The following AKR1C3 variants were observed in gnomAD, a reference collection of about 807,000 sequenced individuals.
AKR1C3 encodes 3-alpha hydroxysteroid dehydrogenase, type II.
In AKR1C3, 48 loss-of-function variants were observed where a neutral mutation model predicts 43.6. That is an observed-to-expected ratio of 1.10 (90% CI 0.87 to 1.40). The LOEUF is 1.40. AKR1C3 is among the 40% of genes most tolerant of loss of function. AKR1C3 has a pLI of 0.00. For synonymous variants in AKR1C3, 162 were observed against 139.6 expected, an observed-to-expected ratio of 1.16 and a Z score of -1.13; for missense variants, 482 against 391.2, an observed-to-expected ratio of 1.23 and a Z score of -1.96.
chr10:5,052,492 G>T (rs925140365), intron 1 of AKR1C3, among the ~76,000 whole-genome samples: 1 of 150,624 alleles, frequency 6.6e-6, no homozygotes, highest in Non-Finnish European at 1.5e-5. Flanking sequence ...TTTACAGAGA[G>T]CTGATTGGTC....
chr10:5,071,674 A>C (rs1838614494), intron 1 of AKR1C3, among the ~76,000 whole-genome samples: 1 of 152,154 alleles, frequency 6.6e-6, no homozygotes, highest in African/African-American at 2.4e-5. Flanking sequence ...GCCTGAGAAA[A>C]CTCACGGCTT....
chr10:5,100,838 C>T (rs533659106), intron 5 of AKR1C3, among the ~76,000 whole-genome samples: 1 of 152,070 alleles, frequency 6.6e-6, no homozygotes, highest in African/African-American at 2.4e-5. Flanking sequence ...TCAACATAAC[C>T]ATTTATATTC....
At chr10:5,074,971 C>T (rs1296284530) in intron 1 of AKR1C3, among the ~76,000 whole-genome samples, 1 of 152,182 alleles carries the variant, frequency 6.6e-6, no homozygotes, top group African/African-American at 2.4e-5. Flanking sequence ...CAATATCCCG[C>T]CCTTTCCCCT....
chr10:5,057,951 G>T (rs1403013306), intron 1 of AKR1C3, among the ~76,000 whole-genome samples: 1 of 152,142 alleles, frequency 6.6e-6, no homozygotes, highest in Admixed American at 6.5e-5. Context: ...TACCTATCAG[G>T]ATCATCTGAA....
intron 1 of AKR1C3, among the ~76,000 whole-genome samples, chr10:5,079,640 G>A (rs1564361867): frequency 6.6e-6 from 1 of 152,062 alleles, no homozygotes; most frequent in Non-Finnish European, 1.5e-5. Flanking sequence ...GGGAGCCCCT[G>A]AGAGACTCAC....
chr10:5,091,573 G>T (rs1554784178), upstream of AKR1C3, among the ~76,000 whole-genome samples: 1 of 151,586 alleles, frequency 6.6e-6, no homozygotes, highest in Non-Finnish European at 1.5e-5. Context: ...TTTCTCAATT[G>T]CTCTTTTATT....
chr10:5,084,046 G>A (rs1362984598), intron 1 of AKR1C3, among the ~76,000 whole-genome samples: 1 of 152,116 alleles, frequency 6.6e-6, no homozygotes, highest in Non-Finnish European at 1.5e-5. Context: ...CACTCTGATG[G>A]TAATTTCTTT....
At chr10:5,058,105 T>C (rs1554779823) in intron 1 of AKR1C3, among the ~76,000 whole-genome samples, 2 of 152,136 alleles carry the variant, frequency 1.3e-5, no homozygotes, top group African/African-American at 4.8e-5. Context: ...TTTGGAGATT[T>C]CTTTGCTTAT....
At chr10:5,091,220 T>C (rs1839081631), upstream of AKR1C3, among the ~76,000 whole-genome samples, 1 of 151,926 alleles carries the variant, frequency 6.6e-6, no homozygotes. Context: ...AAAAAACTGA[T>C]GATGCAGGAA....
intron 1 of AKR1C3, among the ~76,000 whole-genome samples, chr10:5,068,255 A>G (rs563598706): frequency 2.6e-5 from 4 of 152,306 alleles, no homozygotes; most frequent in African/African-American, 7.2e-5. Context: ...CATTAGCATT[A>G]TTCACAAAAT....
intron 8 of AKR1C3, among the ~76,000 whole-genome samples, chr10:5,106,698 G>T (rs1839508028): frequency 6.6e-6 from 1 of 150,590 alleles, no homozygotes; most frequent in South Asian, 2.1e-4. Flanking sequence ...ATGCAGCAGT[G>T]AGCTGAGATC....
intron 1 of AKR1C3, among the ~76,000 whole-genome samples, chr10:5,083,532 A>G (rs1554782633): frequency 1.3e-5 from 2 of 152,086 alleles, no homozygotes; most frequent in Admixed American, 1.3e-4. Context: ...GTGCCGCTAT[A>G]AACATACGTG....
chr10:5,097,885 T>G (rs1839247599), intron 3 of AKR1C3: 1 of 1,114,294 alleles, frequency 9.0e-7, no homozygotes, highest in Non-Finnish European at 1.1e-6. Context: ...GCAGTTGTGG[T>G]GCCCAATAAA....
chr10:5,076,740 A>G (rs1554781887), intron 1 of AKR1C3, among the ~76,000 whole-genome samples: 3 of 152,168 alleles, frequency 2.0e-5, no homozygotes. Flanking sequence ...GACATATCGT[A>G]AAACTCACTT....
chr10:5,059,737 G>C (rs979780930), intron 1 of AKR1C3, among the ~76,000 whole-genome samples: 1 of 152,114 alleles, frequency 6.6e-6, no homozygotes, highest in Non-Finnish European at 1.5e-5. Flanking sequence ...CTCAGTGCTT[G>C]GCGATAGGCG....
At chr10:5,050,155 C>G (rs1340764266) in intron 1 of AKR1C3, among the ~76,000 whole-genome samples, 3 of 152,232 alleles carry the variant, frequency 2.0e-5, no homozygotes, top group Non-Finnish European at 4.4e-5. Flanking sequence ...TATGGAATTG[C>G]TCACTAAATC....
chr10:5,049,463 T>A (rs782295349), intron 1 of AKR1C3, among the ~76,000 whole-genome samples: 4 of 152,074 alleles, frequency 2.6e-5, no homozygotes, highest in Non-Finnish European at 4.4e-5. Context: ...ATATAAAATA[T>A]CCTCATTTTA....
At chr10:5,095,249 C>T (rs953541291) in intron 1 of AKR1C3, among the ~76,000 whole-genome samples, 16 of 151,946 alleles carry the variant, frequency 1.1e-4, no homozygotes, top group Middle Eastern at 3.2e-3. Flanking sequence ...CAAGACTGTC[C>T]TCAGGCTACT....
At chr10:5,070,191 T>G (rs539918238) in intron 1 of AKR1C3, among the ~76,000 whole-genome samples, 1 of 152,306 alleles carries the variant, frequency 6.6e-6, no homozygotes, top group East Asian at 1.9e-4. Context: ...TTCCCCTGTA[T>G]GAAACAGAAA....
Sources: allele counts gnomAD v4.1 joint callset (sites outside exome capture counted in the v4.1 genomes callset), GRCh38; gene constraint gnomAD v4.1.1; transcripts MANE v1.5; gene names NCBI Gene and HGNC (gene_info 2026-07-23, HGNC 2026-07-21).